Variants in LMNB2 observed in about 807,000 individuals in gnomAD.
LMNB2 encodes the protein lamin-B2.
A neutral mutation model predicts 69.3 loss-of-function variants in LMNB2; 17 were observed. The ratio of observed to expected loss-of-function variants is 0.25; its 90% CI spans 0.17 to 0.37. LMNB2 has a LOEUF of 0.37. Ranked by LOEUF, LMNB2 falls within the 10% of genes least tolerant of loss-of-function variation. LMNB2 has a pLI of 1.00. For missense variants in LMNB2, 789 were observed against 883.6 expected, an observed-to-expected ratio of 0.89 and a Z score of 1.36; for synonymous variants, 397 against 389.3, an observed-to-expected ratio of 1.02 and a Z score of -0.23.
chr19:2,432,333 C>CCCCCAAT, intron 9 of LMNB2, 83 bp downstream of exon 9: 1 of 906,306 alleles, frequency 1.1e-6, no homozygotes, highest in Non-Finnish European at 1.8e-6. Flanking sequence ...CACCCACCCC[C>CCCCCAAT]GCCAAGTCCT....
chr19:2,441,495 T>C (rs906108790), intron 2 of LMNB2, among the ~76,000 whole-genome samples: 2 of 152,204 alleles, frequency 1.3e-5, no homozygotes, highest in African/African-American at 2.4e-5. Context: ...TCTGAGCACA[T>C]GCCACACAGG....
rs1568207495 is a variant in LMNB2, at chr19:2,447,259, G to C, written c.265-2719C>G. Among the ~76,000 whole-genome samples the C allele has an allele frequency of 6.6e-6, 1 of 152,218 alleles. No individual in the cohort carries two copies. The highest frequency in any genetic ancestry group is 2.1e-4 in the South Asian group (1 of 4,828). On this transcript the variant is annotated intron_variant, in intron 1 of 11. Coordinates refer to ENST00000325327, the MANE Select transcript of LMNB2 (RefSeq NM_032737.4). The surrounding 1 kb of genome is among the most constrained non-coding windows in gnomAD (Gnocchi z 4.4). The stretch of plus-strand genomic sequence containing the variant: ...ATGACCCAGCTGTGTAACGGAGCAA[G>C]GTTCTGACACCACAGTGTGGATGCC...
intron 4 of LMNB2, 40 bp from the exon 5 acceptor site, chr19:2,435,211 G>C: frequency 1.3e-6 from 2 of 1,595,728 alleles, no homozygotes; most frequent in Non-Finnish European, 1.7e-6. Context: ...TCCCGCCTGG[G>C]CCCCAAGCAC....
rs199890540 is a variant in LMNB2 at position 2,433,811 on chromosome 19, G to A, written c.1482+15C>T. On this transcript the variant is annotated intron_variant, in intron 8 of 11. Transcript: ENST00000325327. Reference sequence around the variant, plus strand: ...GGTCACCCCGTTACCCCCATGCCCCGGTCTTTCCGGTCACCTTGTCCGAGT... The same window carrying A: ...GGTCACCCCGTTACCCCCATGCCCCAGTCTTTCCGGTCACCTTGTCCGAGT... 334 of 1,612,098 alleles carry A rather than the reference G, an allele frequency of 2.1e-4. No homozygotes were observed. The African/African-American group carries it at 4.2e-3, about 20-fold the overall frequency.
intron 1 of LMNB2, among the ~76,000 whole-genome samples, chr19:2,448,365 G>C (rs995615786): frequency 6.6e-6 from 1 of 152,202 alleles, no homozygotes; most frequent in East Asian, 1.9e-4. Context: ...CAGAGAGAGA[G>C]CTGACTGCGG....
Position 2,434,289 on chromosome 19 carries a change from C to T in LMNB2, c.1202+6G>A. 6.2e-7 allele frequency: 1 copy of T among 1,612,342 alleles called. No homozygotes were observed. Among genetic ancestry groups the T allele is most frequent in the Non-Finnish European group, 8.5e-7 (1 of 1,179,822 alleles). Reference sequence around the variant, plus strand: ...CTGTGCTCCCAAGCCTCCTGGCCTGCCGCACCTCTCCTCCTCGCCCTCCAG... The same window carrying T: ...CTGTGCTCCCAAGCCTCCTGGCCTGTCGCACCTCTCCTCCTCGCCCTCCAG... On this transcript the variant is annotated splice_donor_region_variant and intron_variant, in intron 7 of 11. Transcript: ENST00000325327.
intron 2 of LMNB2, among the ~76,000 whole-genome samples, chr19:2,441,361 G>A (rs187737230): frequency 2.4e-4 from 36 of 152,344 alleles, no homozygotes; most frequent in African/African-American, 7.0e-4. Context: ...TTTGAGAGGC[G>A]TGAAGGCCAG....
chr19:2,454,024 G>A (rs1280057822), intron 1 of LMNB2, among the ~76,000 whole-genome samples: 1 of 152,076 alleles, frequency 6.6e-6, no homozygotes, highest in Non-Finnish European at 1.5e-5. Flanking sequence ...CAGGCACGGC[G>A]GCTCACACCT....
chr19:2,438,064 C>A, intron 4 of LMNB2, 99 bp downstream of exon 4: 3 of 1,579,154 alleles, frequency 1.9e-6, no homozygotes, highest in East Asian at 2.2e-5. Context: ...TGGGAGGGAC[C>A]CCGGCCACAC....
At chr19:2,456,599 GA>G (rs1449710399) in intron 1 of LMNB2, 70 bp downstream of exon 1, 2 of 1,316,122 alleles carry the variant, frequency 1.5e-6, no homozygotes, top group African/African-American at 3.2e-5. Context: ...GGGTCCCCGC[GA>G]TCGCGCGCCC....
Position 2,432,467 on chromosome 19 carries a change from G to A in LMNB2, c.1539C>T (p.Ile513=), listed in dbSNP as rs748878665. ...IKRQVLEGEE[I]AYKFTPKYIL... ...TGTACTTGGGCGTGAACTTGTAGGCGATCTCCTCCCCCTCCAAGACCTGCC... is the reference window on the plus strand; with the variant it reads ...TGTACTTGGGCGTGAACTTGTAGGCAATCTCCTCCCCCTCCAAGACCTGCC... Residue 513 remains isoleucine, a synonymous_variant, in exon 9 of 12, where the codon ATC becomes ATT. Coordinates refer to ENST00000325327, the MANE Select transcript of LMNB2 (RefSeq NM_032737.4). 6.1e-5 allele frequency: 98 copies of A among 1,613,648 alleles called. No individual in the cohort carries two copies. Among genetic ancestry groups the A allele is most frequent in the South Asian group, 2.9e-4 (26 of 91,090 alleles).
In LMNB2 at chr19:2,453,188, A is replaced by G. The variant is rs112749776; in HGVS notation, c.264+3482T>C. On this transcript the variant is annotated intron_variant, in intron 1 of 11. Coordinates refer to ENST00000325327, the MANE Select transcript of LMNB2 (RefSeq NM_032737.4). This position sits in a 1 kb window ranked among gnomAD's most constrained non-coding sequence, Gnocchi z 4.4. ...CTGTGCCGATGCCGTCTCCCTCCCA[A>G]TGTGACAACCAAGGGCATGCCCAGC... Among the ~76,000 whole-genome samples the G allele has an allele frequency of 0.014, 2,155 of 152,072 alleles. 45 individuals are homozygous for G. Among genetic ancestry groups the G allele is most frequent in the African/African-American group, 0.049 (2,041 of 41,458 alleles).
At chr19:2,454,152 G>A (rs1174913040) in intron 1 of LMNB2, among the ~76,000 whole-genome samples, 1 of 152,102 alleles carries the variant, frequency 6.6e-6, no homozygotes, top group East Asian at 1.9e-4. Flanking sequence ...AATGAGCCGG[G>A]CATGGTGGTG....
At chr19:2,435,348 G>T (rs1428684171) in intron 4 of LMNB2, among the ~76,000 whole-genome samples, 177 bp from the exon 5 acceptor site, 2 of 152,242 alleles carry the variant, frequency 1.3e-5, no homozygotes, top group South Asian at 4.1e-4. Flanking sequence ...CCACGCGCTA[G>T]AACGTGACTC....
chr19:2,444,461 G>C lies in LMNB2; in HGVS notation c.344C>G (p.Ala115Gly), dbSNP rs1474895568. ...RVLDETARERARLQIEIGKLR... is the reference protein window; with the variant it reads ...RVLDETARERGRLQIEIGKLR... ...CTTCCCAATCTCTATCTGCAGCCGG[G>C]CACGCTCTCGAGCCGTCTCATCCAG... The change falls in exon 2 of 12, where the codon GCC becomes GGC. Residue 115 changes from alanine to glycine, a missense_variant. Transcript: ENST00000325327. 3 of 1,613,498 alleles carry C rather than the reference G, an allele frequency of 1.9e-6. No homozygotes were observed. Among genetic ancestry groups the C allele is most frequent in the East Asian group, 4.5e-5 (2 of 44,890 alleles).
intron 1 of LMNB2, among the ~76,000 whole-genome samples, chr19:2,456,110 G>A (rs1972085053): frequency 6.6e-6 from 1 of 151,626 alleles, no homozygotes; most frequent in South Asian, 2.1e-4. Flanking sequence ...CGCGCGCCCC[G>A]TGGTGGGCGG....
chr19:2,443,816 A>T lies in LMNB2; in HGVS notation c.401+588T>A, dbSNP rs749288201. Among the ~76,000 whole-genome samples, 3 of 152,134 alleles carry T rather than the reference A, an allele frequency of 2.0e-5. No individual in the cohort carries two copies. Among genetic ancestry groups the T allele is most frequent in the Non-Finnish European group, 2.9e-5 (2 of 68,024 alleles). On this transcript the variant is annotated intron_variant, in intron 2 of 11. Transcript: ENST00000325327. This position sits in a 1 kb window ranked among gnomAD's most constrained non-coding sequence, Gnocchi z 6.2. ...TGCCGCCCAACCACATCCCACGCCCAGAATCAGGCAAGACTCACTGCCAGG... is the reference window on the plus strand; with the variant it reads ...TGCCGCCCAACCACATCCCACGCCCTGAATCAGGCAAGACTCACTGCCAGG...
intron 2 of LMNB2, among the ~76,000 whole-genome samples, 195 bp downstream of exon 2, chr19:2,444,209 G>A (rs1014279521): frequency 1.3e-5 from 2 of 152,246 alleles, no homozygotes; most frequent in Non-Finnish European, 2.9e-5. Flanking sequence ...GCTGTCCGAT[G>A]TGAGCATCTA....
chr19:2,455,734 C>T (rs1040417508), intron 1 of LMNB2, among the ~76,000 whole-genome samples: 2 of 152,106 alleles, frequency 1.3e-5, no homozygotes, highest in African/African-American at 4.8e-5. Context: ...CCGGTCTGCA[C>T]CCCTCCCAAG....
Sources: gnomAD v4.1 joint callset for allele counts (sites outside exome capture counted in the v4.1 genomes callset) on GRCh38, gnomAD v4.1.1 for gene constraint, Gnocchi (gnomAD v3.1) non-coding constraint, MANE v1.5 for transcripts, NCBI Gene and HGNC (gene_info 2026-07-23, HGNC 2026-07-21) for gene names.